Variants in ALG14 observed in about 807,000 individuals in gnomAD.
The protein encoded by ALG14 is UDP-N-acetylglucosamine transferase subunit ALG14.
In ALG14, 17 loss-of-function variants were observed where a neutral mutation model predicts 22.8. That is an observed-to-expected ratio of 0.75 (90% CI 0.51 to 1.12). ALG14 has a LOEUF of 1.12. Ranked by LOEUF, ALG14 falls within the 50% of genes most tolerant of loss-of-function variation. ALG14 has a pLI of 0.00. For missense variants in ALG14, 288 were observed against 271.8 expected (o/e 1.06, Z -0.42); for synonymous variants, 89 against 103.7 (o/e 0.86, Z 0.86).
In ALG14 at chr1:95,040,687, A is replaced by T. The variant is rs547407405; in HGVS notation, c.289-13427T>A. Among the ~76,000 whole-genome samples the T allele has an allele frequency of 1.8e-4, 28 of 152,318 alleles. No individual in the cohort carries two copies. In the South Asian group the frequency reaches 4.6e-3, roughly 25 times the overall value. ...AAATAAATTGTATGTTTGTACTCAA[A>T]GGTATAGATTTTTTTTTTAATTGTG... On this transcript the variant is annotated intron_variant, in intron 2 of 3. Coordinates refer to ENST00000370205, the MANE Select transcript of ALG14 (RefSeq NM_144988.4).
chr1:95,058,284 GAAAAAAAAA>G (rs56748968), intron 2 of ALG14, among the ~76,000 whole-genome samples: 30 of 20,512 alleles, frequency 1.5e-3, no homozygotes, highest in African/African-American at 3.5e-3. Context: ...GACTCCATCT[GAAAAAAAAA>G]AAAAAAAAAA....
At chr1:94,997,716 G>T (rs1253870902) in intron 3 of ALG14, among the ~76,000 whole-genome samples, 2 of 152,230 alleles carry the variant, frequency 1.3e-5, no homozygotes, top group African/African-American at 4.8e-5. Flanking sequence ...AGTGAAGTAA[G>T]ATCTGCAAAG....
intron 3 of ALG14, among the ~76,000 whole-genome samples, chr1:94,995,586 G>C (rs1672890387): frequency 6.6e-6 from 1 of 152,192 alleles, no homozygotes; most frequent in African/African-American, 2.4e-5. Flanking sequence ...GGTGGCACGT[G>C]CCTGTAATCC....
intron 3 of ALG14, among the ~76,000 whole-genome samples, chr1:95,017,179 T>A (rs904614916): frequency 2.0e-5 from 3 of 151,988 alleles, no homozygotes; most frequent in African/African-American, 7.3e-5. Context: ...AAGGGGATAA[T>A]TGAAGCAGAC....
Position 95,027,156 on chromosome 1 carries a change from G to C in ALG14, c.393C>G (p.Pro131=). ...TTLHSMWLSF[P]LIHRVKPDLV... ...AATCTGGCTTCACCCTGTGAATTAG[G>C]GGAAAGGAGAGCCACATGGAGTGCA... The change falls in exon 3 of 4, where the codon CCC becomes CCG. Residue 131 remains proline (P), a synonymous_variant. Coordinates refer to ENST00000370205, the MANE Select transcript of ALG14 (RefSeq NM_144988.4). The C allele has an allele frequency of 6.2e-7, 1 of 1,614,126 alleles. No individual in the cohort carries two copies. The highest frequency in any genetic ancestry group is 8.5e-7 in the Non-Finnish European group (1 of 1,179,994).
At chr1:95,055,437 T>C (rs1674892954) in intron 2 of ALG14, among the ~76,000 whole-genome samples, 1 of 151,510 alleles carries the variant, frequency 6.6e-6, no homozygotes, top group African/African-American at 2.4e-5. Context: ...AAAAAAACAA[T>C]ACAAGACACT....
At chr1:94,995,184 T>G (rs890855247) in intron 3 of ALG14, among the ~76,000 whole-genome samples, 1 of 152,212 alleles carries the variant, frequency 6.6e-6, no homozygotes, top group African/African-American at 2.4e-5. Context: ...AAAATAAGCT[T>G]AAGAATTTTT....
At chr1:95,012,168 G>C (rs966828024) in intron 3 of ALG14, among the ~76,000 whole-genome samples, 1 of 152,196 alleles carries the variant, frequency 6.6e-6, no homozygotes, top group Non-Finnish European at 1.5e-5. Flanking sequence ...ACATGGAACT[G>C]TGAGTCCATT....
intron 3 of ALG14, among the ~76,000 whole-genome samples, chr1:95,000,517 C>A (rs1160814467): frequency 9.3e-6 from 1 of 107,036 alleles, no homozygotes; most frequent in Non-Finnish European, 1.7e-5. Context: ...GCCTGCGTAA[C>A]AGAGCAAGAC....
chr1:95,014,734 A>G (rs1673455820), intron 3 of ALG14, among the ~76,000 whole-genome samples: 1 of 152,254 alleles, frequency 6.6e-6, no homozygotes, highest in Non-Finnish European at 1.5e-5. Flanking sequence ...TAAAAAGCTT[A>G]TAACAAAATT....
In ALG14 at chr1:94,981,190, T is replaced by C. The variant is rs1301184396; in HGVS notation, c.*1886A>G. 1 of 152,164 alleles carries C rather than the reference T, an allele frequency of 6.6e-6. No individual in the cohort carries two copies. The highest frequency in any genetic ancestry group is 2.4e-5 in the African/African-American group (1 of 41,428). The allele number at this position is 152,164 out of a possible 1,614,324, so 9.4% of individuals were successfully genotyped here. ...TTCTTTCTAGAACAGTCAAGGCTTA[T>C]TTCACCTCAGCCCCTGGTTGTATGA... On this transcript the variant is annotated 3_prime_UTR_variant, in exon 4 of 4. Transcript: ENST00000370205.
At chr1:95,002,344 G>T (rs1673091724) in intron 3 of ALG14, among the ~76,000 whole-genome samples, 1 of 151,664 alleles carries the variant, frequency 6.6e-6, no homozygotes, top group Admixed American at 6.6e-5. Context: ...CTCGCCTTAA[G>T]TTGGATGAGC....
intron 1 of ALG14, among the ~76,000 whole-genome samples, chr1:95,067,923 A>C (rs1675430239): frequency 1.3e-5 from 2 of 151,974 alleles, no homozygotes; most frequent in South Asian, 4.2e-4. Context: ...TACTCAGTCT[A>C]CTCTAATCAC....
intron 2 of ALG14, among the ~76,000 whole-genome samples, chr1:95,059,007 G>A (rs1455426139): frequency 6.6e-6 from 1 of 151,824 alleles, no homozygotes; most frequent in Non-Finnish European, 1.5e-5. Flanking sequence ...GCTATATTTA[G>A]CCTGATAATT....
At position 95,072,853 on chromosome 1, in the gene ALG14, C is replaced by T; in HGVS notation, c.46G>A (p.Val16Ile). 6.2e-7 allele frequency: 1 copy of T among 1,614,188 alleles called. No individual in the cohort carries two copies. Among genetic ancestry groups the T allele is most frequent in the Admixed American group, 1.7e-5 (1 of 60,026 alleles). ...ACCCATATTCGCAGGATTAGGAAAA[C>T]CGCCACAGCTCCTGCGGCCGCAGCT... The part of the protein sequence containing the change: ...VLAAAAGAVA[V>I]FLILRIWVVL... Residue 16 changes from valine (V) to isoleucine (I), a missense_variant, in exon 1 of 4, where the codon GTT becomes ATT. Transcript: ENST00000370205.
At chr1:95,041,209 C>T (rs1674366755) in intron 2 of ALG14, among the ~76,000 whole-genome samples, 1 of 151,594 alleles carries the variant, frequency 6.6e-6, no homozygotes, top group South Asian at 2.1e-4. Context: ...TTTTTTTTAC[C>T]TTTACCTATA....
intron 3 of ALG14, among the ~76,000 whole-genome samples, chr1:95,024,260 A>G (rs560536709): frequency 6.6e-6 from 1 of 152,266 alleles, no homozygotes; most frequent in African/African-American, 2.4e-5. Context: ...TATAGGCATG[A>G]GCGACCGCGC....
intron 3 of ALG14, among the ~76,000 whole-genome samples, chr1:94,987,491 C>T (rs964170373): frequency 5.9e-5 from 9 of 151,952 alleles, no homozygotes; most frequent in East Asian, 3.9e-4. Flanking sequence ...GTTTAGAAAA[C>T]GGAAAGAGGA....
chr1:95,069,797 A>C (rs994102771), intron 1 of ALG14, among the ~76,000 whole-genome samples: 1 of 152,170 alleles, frequency 6.6e-6, no homozygotes, highest in Non-Finnish European at 1.5e-5. Flanking sequence ...TCTCTTCCCC[A>C]GGGCGGGTCA....
Sources: allele counts gnomAD v4.1 joint callset (sites outside exome capture counted in the v4.1 genomes callset), GRCh38; gene constraint gnomAD v4.1.1; transcripts MANE v1.5; gene names NCBI Gene and HGNC (gene_info 2026-07-23, HGNC 2026-07-21).